The following PCDH11X variants were observed in gnomAD, a reference collection of about 807,000 sequenced individuals.
PCDH11X encodes the protein protocadherin 11 X-linked.
A neutral mutation model predicts 53.3 loss-of-function variants in PCDH11X; 18 were observed. The observed-to-expected ratio is 0.34, with a 90% CI of 0.23 to 0.50. The LOEUF (loss-of-function observed/expected upper bound fraction) is 0.50. Among genes scored for constraint, PCDH11X ranks in the 20% least tolerant of loss-of-function variants. The pLI is 0.98. For synonymous variants in PCDH11X, 279 were observed against 393.3 expected (o/e 0.71, Z 3.44); for missense variants, 570 against 1,032.4 (o/e 0.55, Z 6.14).
chrX:92,468,400 A>G, intron 10 of PCDH11X, 78 bp downstream of exon 10: 2 of 1,086,395 alleles, frequency 1.8e-6, no homozygotes, highest in East Asian at 3.3e-5. Context: ...GTGTTTAAGA[A>G]CTGTTTACCT....
At chrX:92,261,147 C>T (rs2067707389) in intron 7 of PCDH11X, among the ~76,000 whole-genome samples, 3 of 110,177 alleles carry the variant, frequency 2.7e-5, no homozygotes, top group Admixed American at 1.9e-4. Flanking sequence ...CAATATATTT[C>T]TGTACTTTCT....
chrX:92,427,217 T>C (rs2072140213), intron 9 of PCDH11X, among the ~76,000 whole-genome samples: 1 of 109,420 alleles, frequency 9.1e-6, no homozygotes, highest in South Asian at 4.0e-4. Context: ...CCTATGCACA[T>C]GCACACACAT....
At chrX:91,889,030 G>C (rs1332390659) in intron 6 of PCDH11X, among the ~76,000 whole-genome samples, 1 of 111,672 alleles carries the variant, frequency 9.0e-6, no homozygotes, top group Non-Finnish European at 1.9e-5. Flanking sequence ...AACTTGAATA[G>C]TTGTTGAGTG....
chrX:92,259,857 C>G (rs1048219219), intron 7 of PCDH11X, among the ~76,000 whole-genome samples: 1 of 111,546 alleles, frequency 9.0e-6, no homozygotes, highest in Non-Finnish European at 1.9e-5. Context: ...AGCAGATACT[C>G]TTATTTCCCA....
chrX:92,515,774 A>AT (rs1482213955), intron 10 of PCDH11X, among the ~76,000 whole-genome samples: 1 of 110,493 alleles, frequency 9.1e-6, no homozygotes, highest in African/African-American at 3.3e-5. Flanking sequence ...AGCAATGACA[A>AT]TTTTTTTCTG....
chrX:92,403,998 A>G (rs1296176262), intron 9 of PCDH11X, among the ~76,000 whole-genome samples: 2 of 109,996 alleles, frequency 1.8e-5, no homozygotes, highest in African/African-American at 6.6e-5. Context: ...AGAAGACGTC[A>G]CTGAAGTTCC....
intron 8 of PCDH11X, among the ~76,000 whole-genome samples, chrX:92,376,914 CATTAACATT>C (rs2070764966): frequency 9.0e-6 from 1 of 111,623 alleles, no homozygotes; most frequent in South Asian, 3.7e-4. Context: ...TTGTGATTTA[CATTAACATT>C]TGGAAACATG....
chrX:92,306,500 GA>G (rs780150608), intron 8 of PCDH11X, among the ~76,000 whole-genome samples: 39 of 106,434 alleles, frequency 3.7e-4, no homozygotes, highest in Non-Finnish European at 6.8e-4. Flanking sequence ...AATTTATGAA[GA>G]AAAAAAAGAA....
intron 6 of PCDH11X, among the ~76,000 whole-genome samples, chrX:91,914,750 A>G (rs1482288190): frequency 8.9e-6 from 1 of 112,200 alleles, no homozygotes; most frequent in Admixed American, 9.4e-5. Flanking sequence ...ATTTTTGATT[A>G]TATTAAATGA....
rs1004817307 is a variant in PCDH11X at position 92,193,019 on chromosome X, G to A, written c.3034-8356G>A. The stretch of plus-strand genomic sequence containing the variant: ...CTCCCAAAGTGCTGAGATTACAGGT[G>A]TGAGCCACCATGCCTGGCCCCCAGG... On this transcript the variant is annotated intron_variant, in intron 6 of 10. Coordinates refer to ENST00000682573, the MANE Select transcript of PCDH11X (RefSeq NM_032968.5). 5.4e-5 allele frequency among the ~76,000 whole-genome samples: 6 copies of A among 112,058 alleles called. No individual in the cohort carries two copies. In the South Asian group the frequency reaches 1.9e-3, roughly 35 times the overall value.
rs760131635 is a variant in PCDH11X at position 92,194,962 on chromosome X, T to A, written c.3034-6413T>A. Among the ~76,000 whole-genome samples the A allele has an allele frequency of 4.5e-5, 5 of 111,588 alleles. No homozygotes were observed. The South Asian group carries it at 1.5e-3, about 33-fold the overall frequency. ...CATCATTATGTTTGCTGGGGGGAAA[T>A]CATGCTGTGCTATGTCATAATAATA... On this transcript the variant is annotated intron_variant, in intron 6 of 10. Coordinates refer to ENST00000682573, the MANE Select transcript of PCDH11X (RefSeq NM_032968.5).
chrX:92,590,216 C>G (rs1234255432), intron 10 of PCDH11X, among the ~76,000 whole-genome samples: 1 of 110,347 alleles, frequency 9.1e-6, no homozygotes, highest in Non-Finnish European at 1.9e-5. Context: ...AACTGACGAG[C>G]TTTGGATGAG....
chrX:92,272,153 G>T (rs886929373), intron 8 of PCDH11X, among the ~76,000 whole-genome samples: 1 of 111,512 alleles, frequency 9.0e-6, no homozygotes, highest in African/African-American at 3.3e-5. Context: ...CATTTATATT[G>T]GAAAGCTAAG....
At chrX:92,218,888 C>A (rs752216264) in intron 7 of PCDH11X, among the ~76,000 whole-genome samples, 2 of 105,643 alleles carry the variant, frequency 1.9e-5, no homozygotes, top group Non-Finnish European at 3.9e-5. Context: ...AAGGCTGGTT[C>A]AATATATGCA....
At chrX:92,110,742 G>A (rs4110681) in intron 6 of PCDH11X, among the ~76,000 whole-genome samples, 6,463 of 110,457 alleles carry the variant, frequency 0.059, 484 homozygotes, top group African/African-American at 0.2. Context: ...TGGGGGAGGC[G>A]GGTAGCCTTT....
intron 1 of PCDH11X, among the ~76,000 whole-genome samples, chrX:91,803,130 A>G (rs1255603868): frequency 1.8e-5 from 2 of 112,015 alleles, no homozygotes; most frequent in Non-Finnish European, 3.8e-5. Flanking sequence ...CTATTTTCCT[A>G]TTCAATTACT....
intron 6 of PCDH11X, among the ~76,000 whole-genome samples, chrX:92,148,115 T>C (rs1328222908): frequency 1.8e-4 from 4 of 22,512 alleles, no homozygotes; most frequent in Admixed American, 7.5e-4. Flanking sequence ...TCTTTCTTTC[T>C]TTCTTTCTTT....
intron 6 of PCDH11X, among the ~76,000 whole-genome samples, chrX:92,147,487 TAAAC>T (rs1198320936): frequency 1.8e-5 from 2 of 112,156 alleles, no homozygotes; most frequent in Non-Finnish European, 3.8e-5. Context: ...CAGTGACAAA[TAAAC>T]AAGGGTTAGA....
intron 6 of PCDH11X, among the ~76,000 whole-genome samples, chrX:92,009,700 CTT>C (rs68159170): frequency 9.0e-4 from 60 of 66,641 alleles, no homozygotes; most frequent in East Asian, 3.4e-3. Context: ...TGACTGTTGC[CTT>C]TTTTTTTTTT....
Sources: allele counts gnomAD v4.1 joint callset (sites outside exome capture counted in the v4.1 genomes callset), GRCh38; gene constraint gnomAD v4.1.1; transcripts MANE v1.5; gene names NCBI Gene and HGNC (gene_info 2026-07-23, HGNC 2026-07-21).